The following NRDC variants were observed in gnomAD, a reference collection of about 807,000 sequenced individuals.
NRDC encodes nardilysin.
A neutral mutation model predicts 147.1 loss-of-function variants in NRDC; 54 were observed. That is an observed-to-expected ratio of 0.37 (90% confidence interval 0.29 to 0.46). NRDC has a LOEUF of 0.46. Among genes scored for constraint, NRDC ranks in the 20% least tolerant of loss-of-function variants. The probability of loss-of-function intolerance (pLI) is 1.00; values close to 1 mark genes in which losing one functional copy is unlikely to be tolerated. For missense variants in NRDC, 1,082 were observed against 1,370.6 expected, an observed-to-expected ratio of 0.79 and a Z score of 3.33; for synonymous variants, 440 against 482.1, an observed-to-expected ratio of 0.91 and a Z score of 1.14.
At chr1:51,831,627 G>A (rs1240910757) in intron 4 of NRDC, among the ~76,000 whole-genome samples, 2 of 150,292 alleles carry the variant, frequency 1.3e-5, no homozygotes, top group Non-Finnish European at 3.0e-5. Context: ...CACCCAGGCT[G>A]GAGTACAGTG....
In NRDC at chr1:51,812,819, G is replaced by A. The variant is rs116059655; in HGVS notation, c.1675-721C>T. 7.7e-3 allele frequency among the ~76,000 whole-genome samples: 1,174 copies of A among 152,148 alleles called. 16 individuals are homozygous for A. The highest frequency in any genetic ancestry group is 0.027 in the African/African-American group (1,102 of 41,514). On this transcript the variant is annotated intron_variant, in intron 14 of 30. Transcript: ENST00000352171. Reference sequence around the variant, plus strand: ...TGTAGAAATCAAAATGTGTTGGGCCGGGCACAGTGGCTCATGCCTGTAGTT... The same window carrying A: ...TGTAGAAATCAAAATGTGTTGGGCCAGGCACAGTGGCTCATGCCTGTAGTT...
intron 1 of NRDC, among the ~76,000 whole-genome samples, chr1:51,842,231 GTTT>G (rs1288672336): frequency 2.1e-5 from 3 of 141,052 alleles, no homozygotes; most frequent in East Asian, 4.0e-4. Context: ...AAAATGTTTG[GTTT>G]TTTTTTTTTT....
intron 1 of NRDC, among the ~76,000 whole-genome samples, chr1:51,876,363 G>A (rs528164628): frequency 6.6e-6 from 1 of 152,250 alleles, no homozygotes; most frequent in East Asian, 1.9e-4. Context: ...ACGTAATGAG[G>A]TATCTTGGGG....
intron 19 of NRDC, among the ~76,000 whole-genome samples, chr1:51,805,172 A>C (rs1220802090): frequency 1.3e-5 from 2 of 152,220 alleles, no homozygotes; most frequent in Non-Finnish European, 2.9e-5. Flanking sequence ...GTAGTCTATA[A>C]ATACAGAATC....
At position 51,791,010 on chromosome 1, in the gene NRDC, A is replaced by G; in HGVS notation, c.2961-20T>C. On this transcript the variant is annotated intron_variant, in intron 27 of 30. Coordinates refer to ENST00000352171, the MANE Select transcript of NRDC (RefSeq NM_001101662.2). Reference sequence around the variant, plus strand: ...TCAGAACTGAAACAAAACATCTTCAATCAGAACTAAAACAAAACATCTTCA... The same window carrying G: ...TCAGAACTGAAACAAAACATCTTCAGTCAGAACTAAAACAAAACATCTTCA... 1 of 1,547,566 alleles carries G rather than the reference A, an allele frequency of 6.5e-7. No individual in the cohort carries two copies. Among genetic ancestry groups the G allele is most frequent in the Non-Finnish European group, 8.9e-7 (1 of 1,121,680 alleles).
In NRDC at chr1:51,812,280, C is replaced by T. The variant is rs141928429; in HGVS notation, c.1675-182G>A. On this transcript the variant is annotated intron_variant, in intron 14 of 30. Transcript: ENST00000352171. ...TCAGTAGGCTGGACATAGTGGCTCA[C>T]GCCTGTAATCCCAGCATTTGGGAGA... Among the ~76,000 whole-genome samples, 18 of 152,280 alleles carry T rather than the reference C, an allele frequency of 1.2e-4. No homozygotes were observed. In the East Asian group the frequency reaches 2.7e-3, roughly 23 times the overall value.
chr1:51,846,667 A>C (rs1055846447), intron 1 of NRDC, among the ~76,000 whole-genome samples: 2 of 152,240 alleles, frequency 1.3e-5, no homozygotes, highest in African/African-American at 2.4e-5. Flanking sequence ...TAGCTCATAA[A>C]GGTAGTGAGA....
rs571245898 is a variant in NRDC, at chr1:51,814,911, T to C, written c.1440-98A>G. On this transcript the variant is annotated intron_variant, in intron 11 of 30. Transcript: ENST00000352171. ...ATATAGAGGCTTTCTATGTAAAATG[T>C]GGAAATCTCAGCCTTTGAATGTAAA... The C allele has an allele frequency of 8.4e-5, 108 of 1,292,370 alleles. 1 individual carries two copies. In the African/African-American group the frequency reaches 1.5e-3, roughly 18 times the overall value. 80.1% of individuals were successfully genotyped at this position (1,292,370 alleles called of 1,614,324 possible).
intron 1 of NRDC, among the ~76,000 whole-genome samples, chr1:51,841,334 G>C (rs1681256206): frequency 6.6e-6 from 1 of 152,006 alleles, no homozygotes; most frequent in Admixed American, 6.6e-5. Flanking sequence ...TTGAGACAAG[G>C]TCTCACTCTG....
intron 29 of NRDC, among the ~76,000 whole-genome samples, chr1:51,789,999 AT>A (rs1678515684): frequency 6.6e-6 from 1 of 152,214 alleles, no homozygotes; most frequent in South Asian, 2.1e-4. Context: ...CCTTGCTTCT[AT>A]TAAGAAAACT....
intron 4 of NRDC, among the ~76,000 whole-genome samples, chr1:51,830,948 C>T (rs768478255): frequency 1.1e-4 from 16 of 152,214 alleles, no homozygotes; most frequent in African/African-American, 2.2e-4. Context: ...ATATTACACA[C>T]GTATAAAGGC....
chr1:51,790,113 G>A lies in NRDC; in HGVS notation c.3168+420C>T, dbSNP rs531285567. 2.6e-5 allele frequency among the ~76,000 whole-genome samples: 4 copies of A among 152,322 alleles called. No homozygotes were observed. In the East Asian group the frequency reaches 7.7e-4, roughly 29 times the overall value. On this transcript the variant is annotated intron_variant, in intron 29 of 30. Transcript: ENST00000352171. Reference sequence around the variant, plus strand: ...ATGTAGGGGCTATGTATTAACCAAAGTCACACTGGAGTACAAGATCCAGAT... The same window carrying A: ...ATGTAGGGGCTATGTATTAACCAAAATCACACTGGAGTACAAGATCCAGAT...
At chr1:51,789,506 C>T in intron 30 of NRDC, 62 bp downstream of exon 30, 2 of 1,586,820 alleles carry the variant, frequency 1.3e-6, no homozygotes, top group East Asian at 2.2e-5. Flanking sequence ...TGATGATAAC[C>T]ACCCAAACTC....
rs750838585 is a variant in NRDC, at chr1:51,878,568, C to T, written c.48G>A (p.Lys16=). 6 of 1,613,494 alleles carry T rather than the reference C, an allele frequency of 3.7e-6. No homozygotes were observed. The South Asian group carries it at 5.5e-5, about 15-fold the overall frequency. The change falls in exon 1 of 31, where the codon AAG becomes AAA. Residue 16 remains lysine (K), a synonymous_variant. Coordinates refer to ENST00000352171, the MANE Select transcript of NRDC (RefSeq NM_001101662.2). The part of the protein sequence containing the change: ...TVAAVCATRR[K]LCEAGRELAA... Reference sequence around the variant, plus strand: ...CGAGCTCCCGCCCGGCCTCACACAACTTCCTCCGGGTGGCACAGACTGCAG... The same window carrying T: ...CGAGCTCCCGCCCGGCCTCACACAATTTCCTCCGGGTGGCACAGACTGCAG...
chr1:51,802,099 C>A lies in NRDC; in HGVS notation c.2314-1416G>T, dbSNP rs146361881. Among the ~76,000 whole-genome samples the A allele has an allele frequency of 4.4e-3, 675 of 152,138 alleles. 2 individuals carry two copies. Among genetic ancestry groups the A allele is most frequent in the Non-Finnish European group, 7.8e-3 (529 of 67,962 alleles). On this transcript the variant is annotated intron_variant, in intron 20 of 30. Transcript: ENST00000352171. ...ACCGCGCCAGGCTGAGGTTTTTATA[C>A]TTAATTAATTTCCTTCCATTCCTAT...
At chr1:51,864,030 A>G (rs773846815) in intron 1 of NRDC, among the ~76,000 whole-genome samples, 1 of 152,244 alleles carries the variant, frequency 6.6e-6, no homozygotes. Context: ...AGTCTATTTT[A>G]TAATGAAGTG....
At chr1:51,845,805 T>A (rs961178326) in intron 1 of NRDC, among the ~76,000 whole-genome samples, 1 of 152,178 alleles carries the variant, frequency 6.6e-6, no homozygotes, top group South Asian at 2.1e-4. Context: ...CACAGCTATA[T>A]CCTGGGACAA....
intron 7 of NRDC, among the ~76,000 whole-genome samples, chr1:51,823,171 C>T (rs1680281598): frequency 6.6e-6 from 1 of 152,080 alleles, no homozygotes; most frequent in Non-Finnish European, 1.5e-5. Context: ...GATAGTTCTG[C>T]CATAGAGGTA....
chr1:51,800,426 A>G (rs1393836625), intron 21 of NRDC, 130 bp downstream of exon 21: 1 of 1,067,836 alleles, frequency 9.4e-7, no homozygotes, highest in African/African-American at 1.6e-5. Flanking sequence ...CGGGTCTCCT[A>G]AACTAGAGCA....
Sources: allele counts gnomAD v4.1 joint callset (sites outside exome capture counted in the v4.1 genomes callset), GRCh38; gene constraint gnomAD v4.1.1; transcripts MANE v1.5; gene names NCBI Gene and HGNC (gene_info 2026-07-23, HGNC 2026-07-21).